Variants in IQGAP2 observed in about 807,000 individuals in gnomAD.
IQGAP2 encodes IQ motif containing GTPase activating protein 2.
A neutral mutation model predicts 201.3 loss-of-function variants in IQGAP2; 173 were observed. The observed-to-expected ratio is 0.86, with a 90% CI of 0.76 to 0.98. The LOEUF is 0.98. Ranked by LOEUF, IQGAP2 falls within the 50% of genes least tolerant of loss-of-function variation. The pLI is 0.00. For synonymous variants in IQGAP2, 675 were observed against 673.9 expected (o/e 1.00, Z -0.03); for missense variants, 1,687 against 1,864.8 (o/e 0.90, Z 1.76).
rs575712475 is a variant in IQGAP2 at position 76,652,797 on chromosome 5, G to T, written c.2142G>T (p.Arg714=). 4 of 1,610,912 alleles carry T rather than the reference G, an allele frequency of 2.5e-6. No individual in the cohort carries two copies. In the Admixed American group the frequency reaches 6.7e-5, roughly 27 times the overall value. The change falls in exon 18 of 36, where the codon CGG becomes CGT. Residue 714 remains arginine, a synonymous_variant. Transcript: ENST00000274364. ...AACGGAAGGAGTATATGCACAGGCG[G>T]CAAACGTTCATTGATAATACTGATT... ...YKQRKEYMHR[R]QTFIDNTDSI... is the part of the protein sequence containing the mutation.
intron 2 of IQGAP2, among the ~76,000 whole-genome samples, chr5:76,554,408 A>G (rs989922805): frequency 6.6e-6 from 1 of 152,236 alleles, no homozygotes; most frequent in African/African-American, 2.4e-5. Flanking sequence ...ACACTTTCAA[A>G]TCATATACCA....
intron 17 of IQGAP2, among the ~76,000 whole-genome samples, chr5:76,646,122 A>G (rs1752016269): frequency 6.6e-6 from 1 of 152,172 alleles, no homozygotes; most frequent in Non-Finnish European, 1.5e-5. Context: ...AACCACCAAA[A>G]TATAGGAACT....
chr5:76,554,081 A>C (rs527349301), intron 2 of IQGAP2, among the ~76,000 whole-genome samples: 1 of 152,296 alleles, frequency 6.6e-6, no homozygotes, highest in Admixed American at 6.5e-5. Context: ...TTAATTTTCA[A>C]TAAAGGTGCC....
At chr5:76,589,788 T>C (rs1580534223) in intron 7 of IQGAP2, 60 bp downstream of exon 7, 4 of 799,548 alleles carry the variant, frequency 5.0e-6, no homozygotes, top group South Asian at 2.1e-5. Context: ...ACTTTACCTA[T>C]TGATTTTGAT....
chr5:76,665,940 G>T (rs1044954986), intron 22 of IQGAP2, among the ~76,000 whole-genome samples: 3 of 152,216 alleles, frequency 2.0e-5, no homozygotes, highest in African/African-American at 7.2e-5. Flanking sequence ...TGGATCCATA[G>T]TTCTCCCTTG....
intron 10 of IQGAP2, among the ~76,000 whole-genome samples, chr5:76,598,113 G>A (rs1039166901): frequency 5.3e-5 from 8 of 152,066 alleles, no homozygotes; most frequent in Non-Finnish European, 8.8e-5. Flanking sequence ...ACTCTTGTAA[G>A]CCAAACAATG....
intron 2 of IQGAP2, among the ~76,000 whole-genome samples, chr5:76,558,779 A>T (rs1744121333): frequency 6.6e-6 from 1 of 152,218 alleles, no homozygotes; most frequent in Non-Finnish European, 1.5e-5. Context: ...AGAGAAACTG[A>T]AGCTCAGAGA....
chr5:76,475,129 G>A (rs1329028197), intron 2 of IQGAP2, among the ~76,000 whole-genome samples: 1 of 152,092 alleles, frequency 6.6e-6, no homozygotes, highest in Non-Finnish European at 1.5e-5. Context: ...TTAGAAAAAA[G>A]GAACAGAGGA....
At chr5:76,546,305 G>C (rs1002666652) in intron 2 of IQGAP2, among the ~76,000 whole-genome samples, 1 of 152,144 alleles carries the variant, frequency 6.6e-6, no homozygotes, top group African/African-American at 2.4e-5. Context: ...GTGTGGTGGC[G>C]TGTGCCTGTA....
chr5:76,412,914 T>G (rs1485978431), intron 1 of IQGAP2, among the ~76,000 whole-genome samples: 1 of 152,154 alleles, frequency 6.6e-6, no homozygotes, highest in Non-Finnish European at 1.5e-5. Context: ...CATCAAAGGA[T>G]TAAATGATTT....
At chr5:76,659,942 A>G (rs947670316) in intron 21 of IQGAP2, 4 of 151,538 alleles carry the variant, frequency 2.6e-5, no homozygotes, top group Non-Finnish European at 5.9e-5. Context: ...AAAAAAAAAA[A>G]AGTATAAAAA....
intron 3 of IQGAP2, among the ~76,000 whole-genome samples, chr5:76,564,043 T>A (rs751415509): frequency 6.6e-6 from 1 of 152,050 alleles, no homozygotes; most frequent in Non-Finnish European, 1.5e-5. Context: ...AATAATGTTA[T>A]AAATAAAAAT....
intron 1 of IQGAP2, among the ~76,000 whole-genome samples, chr5:76,450,364 A>G (rs1336704846): frequency 6.6e-6 from 1 of 152,210 alleles, no homozygotes; most frequent in Non-Finnish European, 1.5e-5. Context: ...TTGCACTAAT[A>G]TAATAGGGTA....
At chr5:76,568,823 T>C (rs1744917885) in intron 3 of IQGAP2, among the ~76,000 whole-genome samples, 1 of 152,104 alleles carries the variant, frequency 6.6e-6, no homozygotes, top group Non-Finnish European at 1.5e-5. Context: ...ACTTAGATTG[T>C]CATCAGTAAA....
At chr5:76,608,888 C>G (rs1748024645) in intron 12 of IQGAP2, 8 of 461,132 alleles carry the variant, frequency 1.7e-5, no homozygotes, top group Admixed American at 3.3e-5. Context: ...TACATGAACT[C>G]TAAAAGAACG....
At chr5:76,483,572 T>C (rs1755921876) in intron 2 of IQGAP2, among the ~76,000 whole-genome samples, 8 of 152,196 alleles carry the variant, frequency 5.3e-5, no homozygotes. Context: ...TTACAGGTGA[T>C]GTGGGCAGCA....
At chr5:76,666,180 C>T (rs1343121488) in intron 22 of IQGAP2, among the ~76,000 whole-genome samples, 4 of 152,150 alleles carry the variant, frequency 2.6e-5, no homozygotes, top group South Asian at 2.1e-4. Flanking sequence ...TTCAAACATA[C>T]GAACATCTTC....
intron 1 of IQGAP2, among the ~76,000 whole-genome samples, chr5:76,437,342 C>T (rs1435376649): frequency 6.6e-6 from 1 of 152,216 alleles, no homozygotes; most frequent in Non-Finnish European, 1.5e-5. Context: ...CGTGAGCCAC[C>T]ATGCCCAGCC....
At chr5:76,405,609 A>C (rs75918448) in intron 1 of IQGAP2, among the ~76,000 whole-genome samples, 12 of 152,342 alleles carry the variant, frequency 7.9e-5, no homozygotes, top group Middle Eastern at 3.4e-3. Flanking sequence ...TATTCAGAAC[A>C]TGATATCTAG....
Sources: gnomAD v4.1 joint callset for allele counts (sites outside exome capture counted in the v4.1 genomes callset) on GRCh38, gnomAD v4.1.1 for gene constraint, MANE v1.5 for transcripts, NCBI Gene and HGNC (gene_info 2026-07-23, HGNC 2026-07-21) for gene names.